Variants in ATOSA observed in about 807,000 individuals in gnomAD.
ATOSA encodes atos homolog A, also known as atos homolog protein A.
the ATOSA span, among the ~76,000 whole-genome samples, chr15:52,594,183 A>G: frequency 6.6e-6 from 1 of 152,246 alleles, no homozygotes; most frequent in South Asian, 2.1e-4. Flanking sequence ...AAGTTCCATC[A>G]AAAGATGAAG....
chr15:52,641,423 T>A, the ATOSA span, among the ~76,000 whole-genome samples: 1 of 152,264 alleles, frequency 6.6e-6, no homozygotes, highest in Non-Finnish European at 1.5e-5. Context: ...AAGCTTATCA[T>A]CTGAAGGAGC....
At chr15:52,677,753 C>T in the ATOSA span, among the ~76,000 whole-genome samples, 1 of 152,190 alleles carries the variant, frequency 6.6e-6, no homozygotes, top group African/African-American at 2.4e-5. Context: ...AAATACCATT[C>T]TTTACTTTCA....
the ATOSA span, among the ~76,000 whole-genome samples, chr15:52,625,994 G>C: frequency 6.6e-6 from 1 of 152,230 alleles, no homozygotes; most frequent in Non-Finnish European, 1.5e-5. Flanking sequence ...TCAACTTTCA[G>C]AGGGCAGTTA....
At chr15:52,632,840 TC>T in the ATOSA span, among the ~76,000 whole-genome samples, 2 of 151,968 alleles carry the variant, frequency 1.3e-5, no homozygotes, top group East Asian at 3.8e-4. Flanking sequence ...CATAAAATCT[TC>T]CCCCTTTAAG....
At chr15:52,662,618 A>C in the ATOSA span, among the ~76,000 whole-genome samples, 20 of 151,924 alleles carry the variant, frequency 1.3e-4, no homozygotes, top group African/African-American at 4.3e-4. Flanking sequence ...AAAATACAAA[A>C]AATTAGCAGG....
chr15:52,640,617 G>C, the ATOSA span, among the ~76,000 whole-genome samples: 1 of 95,396 alleles, frequency 1.0e-5, no homozygotes, highest in Non-Finnish European at 2.0e-5. Context: ...TCTTATATCA[G>C]AGATTTAAAA....
At chr15:52,642,878 C>G in the ATOSA span, among the ~76,000 whole-genome samples, 1 of 152,188 alleles carries the variant, frequency 6.6e-6, no homozygotes, top group Non-Finnish European at 1.5e-5. Context: ...TCATAGCTCA[C>G]CATAACCACA....
At chr15:52,610,330 T>C in the ATOSA span, 1 of 1,612,978 alleles carries the variant, frequency 6.2e-7, no homozygotes, top group South Asian at 1.1e-5. Context: ...AAACACATGC[T>C]CAATTGGAGT....
the ATOSA span, among the ~76,000 whole-genome samples, chr15:52,635,238 T>C: frequency 3.3e-5 from 5 of 152,178 alleles, no homozygotes; most frequent in African/African-American, 7.2e-5. Context: ...TAGTAATCAA[T>C]AGAACAATTA....
At chr15:52,684,084 G>T in the ATOSA span, among the ~76,000 whole-genome samples, 1 of 152,042 alleles carries the variant, frequency 6.6e-6, no homozygotes, top group Non-Finnish European at 1.5e-5. Flanking sequence ...ACTATCCTAG[G>T]CACAAAGATT....
chr15:52,706,683 T>C, the ATOSA span, among the ~76,000 whole-genome samples: 1 of 152,132 alleles, frequency 6.6e-6, no homozygotes, highest in Admixed American at 6.6e-5. Flanking sequence ...ACTCACTGAC[T>C]AAAAATAGGA....
At chr15:52,596,722 A>T in the ATOSA span, among the ~76,000 whole-genome samples, 1 of 152,226 alleles carries the variant, frequency 6.6e-6, no homozygotes, top group African/African-American at 2.4e-5. Flanking sequence ...CCTTCAGAAG[A>T]ATTATCTAAC....
the ATOSA span, among the ~76,000 whole-genome samples, chr15:52,622,149 T>G: frequency 1.3e-5 from 2 of 152,208 alleles, no homozygotes; most frequent in African/African-American, 4.8e-5. Flanking sequence ...CCTGGCCTAC[T>G]ATTTCTTAAA....
chr15:52,675,064 A>G, the ATOSA span, among the ~76,000 whole-genome samples: 3 of 152,218 alleles, frequency 2.0e-5, no homozygotes, highest in Non-Finnish European at 2.9e-5. Flanking sequence ...AAGTAATGGA[A>G]CAAGTATAAA....
chr15:52,691,856 A>G, the ATOSA span, among the ~76,000 whole-genome samples: 2 of 21,240 alleles, frequency 9.4e-5, no homozygotes, highest in Non-Finnish European at 2.9e-4. Context: ...ATAAATAAAT[A>G]AGAAAAAGAA....
the ATOSA span, among the ~76,000 whole-genome samples, chr15:52,620,278 C>T: frequency 3.9e-5 from 6 of 152,098 alleles, no homozygotes; most frequent in Non-Finnish European, 7.4e-5. Flanking sequence ...TTTATGTAAG[C>T]GAGAGGTTCA....
chr15:52,595,464 CT>C, the ATOSA span, among the ~76,000 whole-genome samples: 1 of 151,330 alleles, frequency 6.6e-6, no homozygotes, highest in African/African-American at 2.4e-5. Flanking sequence ...TAGTTGCTGA[CT>C]TTATCTGAGA....
chr15:52,609,521 G>A, the ATOSA span: 4 of 1,613,334 alleles, frequency 2.5e-6, no homozygotes, highest in African/African-American at 1.3e-5. Context: ...ACAGGCATAT[G>A]AGAATAAAAG....
At chr15:52,640,611 A>C in the ATOSA span, among the ~76,000 whole-genome samples, 1 of 130,396 alleles carries the variant, frequency 7.7e-6, no homozygotes, top group African/African-American at 2.9e-5. Context: ...CAGCAATCTT[A>C]TATCAGAGAT....
Sources: allele counts gnomAD v4.1 joint callset (sites outside exome capture counted in the v4.1 genomes callset), GRCh38; gene constraint gnomAD v4.1.1; transcripts MANE v1.5; gene names NCBI Gene and HGNC (gene_info 2026-07-23, HGNC 2026-07-21).